The following GPC6 variants were observed in gnomAD, a reference collection of about 807,000 sequenced individuals.
GPC6 encodes glypican 6, also known as glypican-6.
GPC6 carries 14 observed loss-of-function variants against 55.2 expected under a neutral mutation model. The observed-to-expected ratio is 0.25, with a 90% CI of 0.17 to 0.40. GPC6 has a LOEUF of 0.40. GPC6 is among the 10% of genes least tolerant of loss of function. GPC6 has a pLI of 1.00. For synonymous variants in GPC6, 278 were observed against 259.6 expected (o/e 1.07, Z -0.68); for missense variants, 641 against 708.5 (o/e 0.90, Z 1.08).
At chr13:93,245,274 C>A (rs1053242139) in intron 1 of GPC6, among the ~76,000 whole-genome samples, 4 of 152,182 alleles carry the variant, frequency 2.6e-5, no homozygotes, top group African/African-American at 9.7e-5. Context: ...TATACTTGAG[C>A]ACCGTTATTC....
At chr13:94,173,401 T>C (rs1367856884) in intron 4 of GPC6, among the ~76,000 whole-genome samples, 1 of 151,916 alleles carries the variant, frequency 6.6e-6, no homozygotes, top group Admixed American at 6.6e-5. Context: ...ACAGATGGAG[T>C]TGGTGGTCAC....
intron 2 of GPC6, among the ~76,000 whole-genome samples, chr13:93,764,618 C>T (rs1276535689): frequency 6.6e-6 from 1 of 151,360 alleles, no homozygotes; most frequent in Non-Finnish European, 1.5e-5. Flanking sequence ...ACACCACACA[C>T]ACTCACAAAG....
intron 4 of GPC6, among the ~76,000 whole-genome samples, chr13:94,101,573 T>C (rs566347950): frequency 1.7e-4 from 26 of 152,314 alleles, no homozygotes; most frequent in African/African-American, 5.8e-4. Context: ...TTAGATATTC[T>C]CCTTATATGA....
chr13:94,251,138 G>C (rs933616415), intron 4 of GPC6, among the ~76,000 whole-genome samples: 4 of 152,050 alleles, frequency 2.6e-5, no homozygotes, highest in Non-Finnish European at 1.5e-5. Context: ...AAAAAGGAAT[G>C]AGGTCATGTC....
At chr13:93,830,672 T>C in intron 3 of GPC6, 127 bp downstream of exon 3, 1 of 784,292 alleles carries the variant, frequency 1.3e-6, no homozygotes. Flanking sequence ...TGGTCCTTGC[T>C]CTTAATCAGT....
At chr13:93,284,478 G>A (rs1395537631) in intron 1 of GPC6, among the ~76,000 whole-genome samples, 1 of 152,172 alleles carries the variant, frequency 6.6e-6, no homozygotes, top group Non-Finnish European at 1.5e-5. Flanking sequence ...TATGTACACT[G>A]TAGTCATTTG....
chr13:94,251,042 G>A (rs1209543615), intron 4 of GPC6, among the ~76,000 whole-genome samples: 7 of 152,012 alleles, frequency 4.6e-5, no homozygotes, highest in Non-Finnish European at 8.8e-5. Context: ...TAATAGCAAA[G>A]ACATGGAACC....
intron 2 of GPC6, among the ~76,000 whole-genome samples, chr13:93,727,018 A>G (rs1883668769): frequency 6.6e-6 from 1 of 152,074 alleles, no homozygotes; most frequent in Admixed American, 6.6e-5. Context: ...CCATTTACTC[A>G]TTGTTTTATG....
chr13:93,382,844 T>A (rs968995365), intron 1 of GPC6, among the ~76,000 whole-genome samples: 3 of 152,196 alleles, frequency 2.0e-5, no homozygotes, highest in Non-Finnish European at 2.9e-5. Flanking sequence ...TTATACATTG[T>A]CCCTACTTCC....
chr13:93,479,608 AC>A (rs35932826), intron 1 of GPC6, among the ~76,000 whole-genome samples: 37,099 of 141,002 alleles, frequency 0.26, 4,965 homozygotes, highest in Middle Eastern at 0.35. Context: ...ACGTGGTGAG[AC>A]CCCCCCCCAT....
chr13:93,694,495 C>T (rs1882377010), intron 2 of GPC6, among the ~76,000 whole-genome samples: 1 of 152,084 alleles, frequency 6.6e-6, no homozygotes, highest in Non-Finnish European at 1.5e-5. Flanking sequence ...TGAAAAGCAG[C>T]AGTCAAAGTT....
At chr13:93,426,956 T>A (rs1173204047) in intron 1 of GPC6, among the ~76,000 whole-genome samples, 3 of 150,060 alleles carry the variant, frequency 2.0e-5, no homozygotes, top group Non-Finnish European at 4.4e-5. Flanking sequence ...GGTATCTCAT[T>A]GTGGTTTTGA....
chr13:94,349,988 CTTT>C lies in GPC6; in HGVS notation c.1153-32425_1153-32423del, dbSNP rs78253636. On this transcript the variant is annotated intron_variant, in intron 6 of 8. Coordinates refer to ENST00000377047, the MANE Select transcript of GPC6 (RefSeq NM_005708.5). ...TGACTGGGATGATGGAATTGTACTT[CTTT>C]GATTCCTCAATGCTGAGCACAAAAT... Among the ~76,000 whole-genome samples, 1,180 of 152,174 alleles carry C rather than the reference CTTT, an allele frequency of 7.8e-3. 9 individuals carry two copies. The highest frequency in any genetic ancestry group is 0.013 in the Non-Finnish European group (883 of 68,030).
intron 3 of GPC6, among the ~76,000 whole-genome samples, chr13:93,961,805 C>A (rs1879788408): frequency 7.1e-6 from 1 of 140,916 alleles, no homozygotes; most frequent in Non-Finnish European, 1.5e-5. Flanking sequence ...AATTTCTCCC[C>A]TCCTTTTTTT....
chr13:93,822,642 T>A (rs139542341), intron 2 of GPC6, among the ~76,000 whole-genome samples: 4,860 of 134,976 alleles, frequency 0.036, 242 homozygotes, highest in East Asian at 0.18. Context: ...TTCCTCTCCC[T>A]GTGTCCATGT....
intron 2 of GPC6, among the ~76,000 whole-genome samples, chr13:93,562,344 C>T (rs572373443): frequency 3.7e-4 from 57 of 152,118 alleles, no homozygotes; most frequent in Non-Finnish European, 7.1e-4. Context: ...ACATTTTAAA[C>T]GTATAACATA....
At chr13:93,488,671 G>T (rs1360206018) in intron 1 of GPC6, among the ~76,000 whole-genome samples, 2 of 152,154 alleles carry the variant, frequency 1.3e-5, no homozygotes, top group Non-Finnish European at 2.9e-5. Flanking sequence ...TCTAACTGGT[G>T]TGAGATGGTA....
chr13:94,032,625 G>C (rs562879037), intron 4 of GPC6, among the ~76,000 whole-genome samples: 1 of 152,156 alleles, frequency 6.6e-6, no homozygotes, highest in Non-Finnish European at 1.5e-5. Context: ...GAACTGATGA[G>C]ATTTGTGTTA....
At chr13:94,269,180 C>T (rs1482416934) in intron 4 of GPC6, among the ~76,000 whole-genome samples, 4 of 152,162 alleles carry the variant, frequency 2.6e-5, no homozygotes, top group Non-Finnish European at 4.4e-5. Context: ...GCCACACGTT[C>T]GCTTTTGAAT....
Sources: gnomAD v4.1 joint callset for allele counts (sites outside exome capture counted in the v4.1 genomes callset) on GRCh38, gnomAD v4.1.1 for gene constraint, MANE v1.5 for transcripts, NCBI Gene and HGNC (gene_info 2026-07-23, HGNC 2026-07-21) for gene names.